The following ITGB1 variants were observed in gnomAD, a reference collection of about 807,000 sequenced individuals.
ITGB1 encodes integrin beta-1.
In ITGB1, 24 loss-of-function variants were observed where a neutral mutation model predicts 86.5. The ratio of observed to expected loss-of-function variants is 0.28; its 90% CI spans 0.20 to 0.39. The LOEUF (loss-of-function observed/expected upper bound fraction) is 0.39, where lower values mean the gene tolerates loss of function less well. Among genes scored for constraint, ITGB1 ranks in the 10% least tolerant of loss-of-function variants. ITGB1 has a pLI of 1.00. For missense variants in ITGB1, 556 were observed against 946.9 expected, an observed-to-expected ratio of 0.59 and a Z score of 5.42; for synonymous variants, 323 against 316.8, an observed-to-expected ratio of 1.02 and a Z score of -0.21.
intron 15 of ITGB1, among the ~76,000 whole-genome samples, chr10:32,904,668 T>C (rs1163627460): frequency 1.4e-5 from 2 of 138,900 alleles, no homozygotes; most frequent in Non-Finnish European, 3.3e-5. Flanking sequence ...CAATCCATGA[T>C]GTAATTTCTT....
At chr10:32,911,265 C>A (rs575446750) in intron 13 of ITGB1, among the ~76,000 whole-genome samples, 183 bp downstream of exon 13, 102 of 152,246 alleles carry the variant, frequency 6.7e-4, no homozygotes, top group African/African-American at 2.4e-3. Flanking sequence ...ACACTTCATA[C>A]CATGTAATAT....
At chr10:32,957,548 C>G (rs1266450715) in intron 1 of ITGB1, among the ~76,000 whole-genome samples, 1 of 152,116 alleles carries the variant, frequency 6.6e-6, no homozygotes, top group Non-Finnish European at 1.5e-5. Flanking sequence ...AACTTCTACC[C>G]GGCTCCCGCC....
intron 3 of ITGB1, among the ~76,000 whole-genome samples, chr10:32,932,220 TATAAC>T (rs1377962518): frequency 3.9e-5 from 6 of 152,240 alleles, no homozygotes; most frequent in African/African-American, 1.4e-4. Flanking sequence ...TTAACACTGT[TATAAC>T]ATTATTTTTA....
intron 1 of ITGB1, among the ~76,000 whole-genome samples, chr10:32,939,589 G>A (rs1439903388): frequency 1.3e-5 from 2 of 152,186 alleles, no homozygotes; most frequent in African/African-American, 2.4e-5. Flanking sequence ...AAGCATGTGT[G>A]TATCTACGCA....
intron 2 of ITGB1, 54 bp downstream of exon 2, chr10:32,935,438 C>A (rs1340714418): frequency 1.1e-5 from 12 of 1,096,932 alleles, no homozygotes; most frequent in Non-Finnish European, 2.8e-6. Context: ...CTGGTCAAAG[C>A]GCAATACAAG....
intron 11 of ITGB1, among the ~76,000 whole-genome samples, chr10:32,915,690 A>C (rs953757792): frequency 6.6e-6 from 1 of 152,212 alleles, no homozygotes; most frequent in Non-Finnish European, 1.5e-5. Flanking sequence ...CCAACCAAAA[A>C]AAGTCCAAGA....
At chr10:32,935,707 C>G in intron 1 of ITGB1, 149 bp from the exon 2 acceptor site, 1 of 596,700 alleles carries the variant, frequency 1.7e-6, no homozygotes, top group Non-Finnish European at 3.0e-6. Flanking sequence ...TCCACAGACC[C>G]TCGCCCATCT....
chr10:32,911,291 A>G (rs1010599431), intron 13 of ITGB1, among the ~76,000 whole-genome samples, 157 bp downstream of exon 13: 18 of 152,228 alleles, frequency 1.2e-4, no homozygotes, highest in African/African-American at 3.6e-4. Context: ...AGCTGTTGAG[A>G]AAGAACTTTT....
intron 11 of ITGB1, among the ~76,000 whole-genome samples, chr10:32,918,284 G>A (rs897509236): frequency 3.9e-5 from 6 of 152,118 alleles, no homozygotes; most frequent in Admixed American, 3.9e-4. Flanking sequence ...CATGTCACAT[G>A]TATACATATG....
chr10:32,937,759 T>G (rs2095007558), intron 1 of ITGB1, among the ~76,000 whole-genome samples: 1 of 152,144 alleles, frequency 6.6e-6, no homozygotes, highest in Non-Finnish European at 1.5e-5. Flanking sequence ...TTTTAAACTG[T>G]TAGGGTCTTC....
At chr10:32,939,759 AGT>A (rs2095013721) in intron 1 of ITGB1, among the ~76,000 whole-genome samples, 1 of 141,126 alleles carries the variant, frequency 7.1e-6, no homozygotes, top group African/African-American at 2.8e-5. Context: ...TGAGTGAGTG[AGT>A]GAGTGAGAGG....
intron 1 of ITGB1, among the ~76,000 whole-genome samples, chr10:32,944,288 C>T (rs1039885655): frequency 2.6e-5 from 4 of 152,230 alleles, no homozygotes; most frequent in Non-Finnish European, 5.9e-5. Flanking sequence ...CCACAGTCCC[C>T]GCCCACTAGC....
intron 6 of ITGB1, among the ~76,000 whole-genome samples, 171 bp from the exon 7 acceptor site, chr10:32,923,911 A>G (rs1038350820): frequency 1.3e-5 from 2 of 152,222 alleles, no homozygotes; most frequent in Admixed American, 6.5e-5. Flanking sequence ...AGCCCACTGA[A>G]TGAAGCTCTT....
chr10:32,941,991 G>C (rs751565989), intron 1 of ITGB1, among the ~76,000 whole-genome samples: 1 of 152,194 alleles, frequency 6.6e-6, no homozygotes, highest in Non-Finnish European at 1.5e-5. Flanking sequence ...TCAAGAGTTA[G>C]AGACACAGAC....
chr10:32,957,338 A>ATGAC (rs2137276579), intron 1 of ITGB1, among the ~76,000 whole-genome samples: 1 of 152,322 alleles, frequency 6.6e-6, no homozygotes, highest in Admixed American at 6.5e-5. Context: ...AGCCTAAGAA[A>ATGAC]TGACACGCGG....
At chr10:32,921,301 G>A in intron 9 of ITGB1, among the ~76,000 whole-genome samples, 1 of 152,116 alleles carries the variant, frequency 6.6e-6, no homozygotes, top group Non-Finnish European at 1.5e-5. Context: ...AAGAACAAGA[G>A]TTAGGAAAAT....
At chr10:32,935,923 C>T (rs924827997) in intron 1 of ITGB1, 3 of 163,602 alleles carry the variant, frequency 1.8e-5, no homozygotes, top group African/African-American at 7.2e-5. Context: ...GAATCTCTAT[C>T]TCCATTATCT....
chr10:32,949,814 ATTT>A (rs964168404), intron 1 of ITGB1, among the ~76,000 whole-genome samples: 1 of 152,086 alleles, frequency 6.6e-6, no homozygotes, highest in Non-Finnish European at 1.5e-5. Context: ...TTATTTATTA[ATTT>A]TTTTAAACAA....
In ITGB1 at chr10:32,928,149, A is replaced by T; in HGVS notation, c.492T>A (p.Ser164Arg). The change falls in exon 5 of 16, where the codon AGT (serine) becomes AGA (arginine). Residue 164 changes from serine (S) to arginine (R), a missense_variant. By Grantham distance (110) the Ser-to-Arg change is moderately radical. Transcript: ENST00000302278. ...SMKDDLENVK[S>R]LGTDLMNEMR... ...TTTCATTCATCAGATCTGTTCCAAGACTTTTTACATTCTCCAAATCGTCTT... is the reference window on the plus strand; with the variant it reads ...TTTCATTCATCAGATCTGTTCCAAGTCTTTTTACATTCTCCAAATCGTCTT... 6.3e-7 allele frequency: 1 copy of T among 1,586,218 alleles called. No homozygotes were observed. Among genetic ancestry groups the T allele is most frequent in the Non-Finnish European group, 8.7e-7 (1 of 1,154,708 alleles).
Sources: gnomAD v4.1 joint callset for allele counts (sites outside exome capture counted in the v4.1 genomes callset) on GRCh38, gnomAD v4.1.1 for gene constraint, MANE v1.5 for transcripts, NCBI Gene and HGNC (gene_info 2026-07-23, HGNC 2026-07-21) for gene names.